The following SLC22A15 variants were observed in gnomAD, a reference collection of about 807,000 sequenced individuals.
The protein encoded by SLC22A15 is flipt 1.
Under a neutral mutation model 62.7 loss-of-function variants are expected in SLC22A15, and 45 were observed. That is an observed-to-expected ratio of 0.72 (90% CI 0.56 to 0.92). The LOEUF (loss-of-function observed/expected upper bound fraction) is 0.92, where lower values mean the gene tolerates loss of function less well. SLC22A15 is among the 40% of genes least tolerant of loss of function. The pLI is 0.00. For missense variants in SLC22A15, 622 were observed against 665.6 expected, an observed-to-expected ratio of 0.93 and a Z score of 0.72; for synonymous variants, 264 against 267.0, an observed-to-expected ratio of 0.99 and a Z score of 0.11.
In SLC22A15 at chr1:116,069,427, T is replaced by C. The variant is rs1220916983; in HGVS notation, c.*2319T>C. The C allele has an allele frequency of 6.6e-6, 1 of 152,176 alleles. No homozygotes were observed. The highest frequency in any genetic ancestry group is 2.4e-5 in the African/African-American group (1 of 41,448). The allele number at this position is 152,176 out of a possible 1,614,324, so 9.4% of individuals were successfully genotyped here. ...TTCATTGACAGGTAATGTATTTTGGTTGTGCGGATGGTTTGTAAAAAGTAT... is the reference window on the plus strand; with the variant it reads ...TTCATTGACAGGTAATGTATTTTGGCTGTGCGGATGGTTTGTAAAAAGTAT... On this transcript the variant is annotated 3_prime_UTR_variant, in exon 12 of 12. Coordinates refer to ENST00000369503, the MANE Select transcript of SLC22A15 (RefSeq NM_018420.3).
At chr1:116,035,157 A>G in intron 6 of SLC22A15, 30 bp from the exon 7 acceptor site, 4 of 1,598,260 alleles carry the variant, frequency 2.5e-6, no homozygotes, top group Non-Finnish European at 2.6e-6. Flanking sequence ...CTTGTCTTTT[A>G]CCTCCTGGTC....
chr1:116,066,375 A>G, intron 10 of SLC22A15, 145 bp from the exon 11 acceptor site: 2 of 628,914 alleles, frequency 3.2e-6, no homozygotes, highest in Non-Finnish European at 5.3e-6. Context: ...CTTTATGTGG[A>G]AAGAAGTGGC....
chr1:116,049,627 A>G (rs373734317), intron 8 of SLC22A15, among the ~76,000 whole-genome samples: 1 of 152,154 alleles, frequency 6.6e-6, no homozygotes, highest in East Asian at 1.9e-4. Flanking sequence ...TCATACCCCT[A>G]AACACCTACA....
chr1:116,000,077 G>A (rs899674887), intron 2 of SLC22A15, among the ~76,000 whole-genome samples: 2 of 152,006 alleles, frequency 1.3e-5, no homozygotes, highest in South Asian at 2.1e-4. Context: ...TGTATCTTTC[G>A]ATTGGAGTTT....
At chr1:116,034,169 T>A (rs1657546429) in intron 6 of SLC22A15, among the ~76,000 whole-genome samples, 1 of 152,226 alleles carries the variant, frequency 6.6e-6, no homozygotes, top group African/African-American at 2.4e-5. Context: ...TAAAACCTGA[T>A]GAACTTAACA....
chr1:116,019,552 A>C, intron 2 of SLC22A15, 30 bp from the exon 3 acceptor site: 1 of 1,572,388 alleles, frequency 6.4e-7, no homozygotes, highest in Non-Finnish European at 8.6e-7. Context: ...TGAATCCTAC[A>C]TGTCTCTCTT....
At chr1:116,009,358 G>A (rs2051060) in intron 2 of SLC22A15, among the ~76,000 whole-genome samples, 77,679 of 142,422 alleles carry the variant, frequency 0.55, 21,577 homozygotes, top group Non-Finnish European at 0.64. Flanking sequence ...TCTGCTTTGT[G>A]CTTTAGAGGC....
At chr1:116,035,066 C>A in intron 6 of SLC22A15, 121 bp from the exon 7 acceptor site, 1 of 1,104,734 alleles carries the variant, frequency 9.1e-7, no homozygotes, top group Non-Finnish European at 1.3e-6. Context: ...AAGCTTATTG[C>A]TTACAGCAGA....
intron 2 of SLC22A15, among the ~76,000 whole-genome samples, chr1:116,008,596 A>T (rs145540837): frequency 5.9e-5 from 9 of 152,328 alleles, no homozygotes; most frequent in African/African-American, 2.2e-4. Flanking sequence ...CACATTCCTC[A>T]TATAAAAAGT....
chr1:115,990,837 A>G (rs1349173172), intron 1 of SLC22A15, among the ~76,000 whole-genome samples: 1 of 152,108 alleles, frequency 6.6e-6, no homozygotes, highest in African/African-American at 2.4e-5. Context: ...AGCTCACCGC[A>G]ACTTCCACCT....
chr1:116,020,780 T>C lies in SLC22A15; in HGVS notation c.493T>C (p.Phe165Leu). Residue 165 changes from phenylalanine (F) to leucine (L), a missense_variant, in exon 4 of 12, where the codon TTT becomes CTT. Phe to Leu is a conservative substitution (Grantham distance 22, BLOSUM62 0). Coordinates refer to ENST00000369503, the MANE Select transcript of SLC22A15 (RefSeq NM_018420.3). ...TGGATTTTCCCCCTCATATGAGTTC[T>C]TTGCAGTAACTCGCTTCCTGGTGGG... is the stretch of plus-strand genomic sequence containing the variant. ...ANGFSPSYEF[F>L]AVTRFLVGMM... 1 of 1,613,970 alleles carries C rather than the reference T, an allele frequency of 6.2e-7. No individual in the cohort carries two copies. The highest frequency in any genetic ancestry group is 1.7e-5 in the Admixed American group (1 of 60,028).
At chr1:116,001,440 T>G (rs552282609) in intron 2 of SLC22A15, among the ~76,000 whole-genome samples, 1 of 152,344 alleles carries the variant, frequency 6.6e-6, no homozygotes, top group East Asian at 1.9e-4. Flanking sequence ...TGTCTTTCTC[T>G]TCTTCCTCTT....
chr1:116,018,083 GC>G (rs1429037886), intron 2 of SLC22A15, among the ~76,000 whole-genome samples: 1 of 152,106 alleles, frequency 6.6e-6, no homozygotes, highest in East Asian at 1.9e-4. Context: ...CATTCAAATT[GC>G]TGTGTTACCA....
At chr1:116,006,649 T>G (rs1210459518) in intron 2 of SLC22A15, among the ~76,000 whole-genome samples, 1 of 152,124 alleles carries the variant, frequency 6.6e-6, no homozygotes, top group Non-Finnish European at 1.5e-5. Flanking sequence ...TGTATCTCTG[T>G]GTCCCCTCCC....
At chr1:116,010,536 A>G (rs1468059414) in intron 2 of SLC22A15, among the ~76,000 whole-genome samples, 1 of 152,232 alleles carries the variant, frequency 6.6e-6, no homozygotes, top group Non-Finnish European at 1.5e-5. Context: ...GTTAATCACC[A>G]TGAAACTGTT....
intron 2 of SLC22A15, among the ~76,000 whole-genome samples, chr1:115,996,414 C>T (rs146636882): frequency 3.3e-5 from 5 of 152,080 alleles, no homozygotes; most frequent in East Asian, 1.9e-4. Flanking sequence ...GGAGAATCAA[C>T]GTCTTTACTA....
Position 116,066,705 on chromosome 1 carries a change from A to C in SLC22A15, c.1551A>C (p.Gln517His). The C allele has an allele frequency of 6.2e-7, 1 of 1,610,172 alleles. No homozygotes were observed. The highest frequency in any genetic ancestry group is 8.5e-7 in the Non-Finnish European group (1 of 1,178,526). Residue 517 changes from glutamine to histidine, a missense_variant, in exon 11 of 12, where the codon CAA becomes CAC. Coordinates refer to ENST00000369503, the MANE Select transcript of SLC22A15 (RefSeq NM_018420.3). ...TATCTTTACAGGCTTTGGACCCCCA[A>C]CAGGTGTGATATTTTTCTTAATTAT... ...EALSLQALDPQQCVDKESSLG... is the reference protein window; with the variant it reads ...EALSLQALDPHQCVDKESSLG...
At chr1:116,007,103 C>G (rs886837219) in intron 2 of SLC22A15, among the ~76,000 whole-genome samples, 1 of 152,174 alleles carries the variant, frequency 6.6e-6, no homozygotes, top group South Asian at 2.1e-4. Context: ...ACATTATATT[C>G]CTCATCCCAC....
At chr1:116,046,205 T>C (rs550792132) in intron 8 of SLC22A15, among the ~76,000 whole-genome samples, 24 of 152,224 alleles carry the variant, frequency 1.6e-4, no homozygotes, top group African/African-American at 5.5e-4. Flanking sequence ...GGCAAATATT[T>C]CTTAACTAGG....
Sources: allele counts gnomAD v4.1 joint callset (sites outside exome capture counted in the v4.1 genomes callset), GRCh38; gene constraint gnomAD v4.1.1; transcripts MANE v1.5; gene names NCBI Gene and HGNC (gene_info 2026-07-23, HGNC 2026-07-21).